The following RBFOX1 variants were observed in gnomAD, a reference collection of about 807,000 sequenced individuals.
RBFOX1 encodes the protein RNA binding fox-1 homolog 1.
In RBFOX1, 8 loss-of-function variants were observed where a neutral mutation model predicts 57.7. That is an observed-to-expected ratio of 0.14 (90% CI 0.08 to 0.25). The LOEUF (loss-of-function observed/expected upper bound fraction) is 0.25. Ranked by LOEUF, RBFOX1 falls within the 10% of genes least tolerant of loss-of-function variation. RBFOX1 has a pLI of 1.00. For synonymous variants in RBFOX1, 326 were observed against 222.4 expected, an observed-to-expected ratio of 1.47 and a Z score of -4.15; for missense variants, 611 against 548.5, an observed-to-expected ratio of 1.11 and a Z score of -1.14.
At chr16:6,313,051 G>A (rs2080568528) in intron 1 of RBFOX1, among the ~76,000 whole-genome samples, 1 of 152,178 alleles carries the variant, frequency 6.6e-6, no homozygotes, top group Non-Finnish European at 1.5e-5. Flanking sequence ...AAGCAGCAAT[G>A]CACTGGAGTT....
rs558136982 is a variant in RBFOX1, at chr16:7,208,675, A to G, written c.27+156577A>G. On this transcript the variant is annotated intron_variant, in intron 4 of 15. Coordinates refer to ENST00000550418, the MANE Select transcript of RBFOX1 (RefSeq NM_018723.4). Reference sequence around the variant, plus strand: ...ACATAGCAAGACCGTATCTCAACAAAAAATTAAAAAGATTAGCTGGGCATG... The same window carrying G: ...ACATAGCAAGACCGTATCTCAACAAGAAATTAAAAAGATTAGCTGGGCATG... 1.1e-3 allele frequency among the ~76,000 whole-genome samples: 173 copies of G among 152,120 alleles called. 2 individuals are homozygous for G. Among genetic ancestry groups the G allele is most frequent in the Admixed American group, 3.9e-4 (6 of 15,266 alleles).
intron 2 of RBFOX1, among the ~76,000 whole-genome samples, chr16:6,538,956 G>T (rs1258440867): frequency 1.3e-5 from 2 of 151,984 alleles, no homozygotes; most frequent in East Asian, 1.9e-4. Flanking sequence ...AGAGTTGTTG[G>T]CTGGTTTGTT....
chr16:6,061,935 G>T (rs2152460663), intron 1 of RBFOX1, among the ~76,000 whole-genome samples: 1 of 152,240 alleles, frequency 6.6e-6, no homozygotes, highest in East Asian at 1.9e-4. Flanking sequence ...GACTCCAGTT[G>T]GAAGCCTCAG....
intron 1 of RBFOX1, among the ~76,000 whole-genome samples, chr16:5,396,653 A>C (rs1031358723): frequency 1.6e-4 from 25 of 152,224 alleles, no homozygotes; most frequent in Admixed American, 3.3e-4. Context: ...AAGAAAAAGA[A>C]AAAGATGAAA....
chr16:5,362,783 G>T (rs892207468), intron 1 of RBFOX1, among the ~76,000 whole-genome samples: 1 of 152,036 alleles, frequency 6.6e-6, no homozygotes, highest in African/African-American at 2.4e-5. Context: ...CCTGTAAGTG[G>T]AATCATATAG....
intron 1 of RBFOX1, among the ~76,000 whole-genome samples, chr16:5,379,326 C>G (rs1437909585): frequency 6.6e-6 from 1 of 151,458 alleles, no homozygotes; most frequent in African/African-American, 2.5e-5. Flanking sequence ...TTTTATCTTT[C>G]CACATTCAGA....
At chr16:7,248,842 CTA>C (rs2094408314) in intron 4 of RBFOX1, among the ~76,000 whole-genome samples, 1 of 152,158 alleles carries the variant, frequency 6.6e-6, no homozygotes, top group Non-Finnish European at 1.5e-5. Flanking sequence ...TAGCTGTCAT[CTA>C]TTTGTAATCT....
chr16:7,384,864 A>G (rs778599405), intron 4 of RBFOX1, among the ~76,000 whole-genome samples: 16 of 152,236 alleles, frequency 1.1e-4, no homozygotes, highest in African/African-American at 2.4e-4. Flanking sequence ...GAGGCAAACA[A>G]TAAATAACTG....
chr16:6,073,758 G>C (rs569075752), intron 1 of RBFOX1, among the ~76,000 whole-genome samples: 1 of 151,994 alleles, frequency 6.6e-6, no homozygotes, highest in Non-Finnish European at 1.5e-5. Flanking sequence ...TAAATTGCTG[G>C]AATGTTTTGA....
intron 2 of RBFOX1, among the ~76,000 whole-genome samples, chr16:6,607,494 C>G (rs976368887): frequency 6.8e-6 from 1 of 148,112 alleles, no homozygotes. Context: ...CTCTTTCTTC[C>G]TCTCTCTCCC....
At chr16:6,676,836 C>T (rs2057799206) in intron 3 of RBFOX1, among the ~76,000 whole-genome samples, 2 of 151,896 alleles carry the variant, frequency 1.3e-5, no homozygotes, top group Admixed American at 1.3e-4. Context: ...CCACCACTCC[C>T]AGCTAATTTT....
chr16:6,120,537 A>G (rs1327028831), intron 1 of RBFOX1, among the ~76,000 whole-genome samples: 1 of 152,132 alleles, frequency 6.6e-6, no homozygotes, highest in African/African-American at 2.4e-5. Flanking sequence ...TCTCAGTCTC[A>G]GTTTCCACAT....
intron 4 of RBFOX1, among the ~76,000 whole-genome samples, chr16:7,389,148 C>A (rs1384675124): frequency 6.6e-6 from 1 of 151,748 alleles, no homozygotes; most frequent in Non-Finnish European, 1.5e-5. Context: ...TTTTTGGAGG[C>A]AGAGTCTCAC....
chr16:7,398,621 A>G (rs60194228), intron 4 of RBFOX1, among the ~76,000 whole-genome samples: 12,339 of 152,264 alleles, frequency 0.081, 544 homozygotes, highest in East Asian at 0.2. Context: ...CTAGGCAAGA[A>G]ATTATTCTCT....
At chr16:7,151,153 A>C (rs1342420758) in intron 4 of RBFOX1, among the ~76,000 whole-genome samples, 1 of 152,182 alleles carries the variant, frequency 6.6e-6, no homozygotes, top group Non-Finnish European at 1.5e-5. Flanking sequence ...TCCCAAAAGA[A>C]AGATGGTTGC....
In RBFOX1 at chr16:5,509,087, G is replaced by A. The variant is rs935322850; in HGVS notation, c.258+41833G>A. 7.9e-5 allele frequency among the ~76,000 whole-genome samples: 12 copies of A among 152,184 alleles called. No homozygotes were observed. The East Asian group carries it at 1.9e-3, about 24-fold the overall frequency. Reference sequence around the variant, plus strand: ...TCAGGTGCTGGAAATATAACGTGGAGTGAAAACTGGGTCTCAGAGGCACAG... The same window carrying A: ...TCAGGTGCTGGAAATATAACGTGGAATGAAAACTGGGTCTCAGAGGCACAG... On this transcript the variant is annotated intron_variant, in intron 2 of 2. Transcript: ENST00000585867.
At chr16:6,828,296 T>G (rs370582888) in intron 3 of RBFOX1, among the ~76,000 whole-genome samples, 23 of 151,970 alleles carry the variant, frequency 1.5e-4, no homozygotes, top group African/African-American at 5.6e-4. Flanking sequence ...GAGGCTGATG[T>G]GGGTGGGTCA....
rs533736046 is a variant in RBFOX1, at chr16:6,896,673, A to G, written c.-15-155384A>G. Among the ~76,000 whole-genome samples, 3 of 152,302 alleles carry G rather than the reference A, an allele frequency of 2.0e-5. No homozygotes were observed. In the South Asian group the frequency reaches 6.2e-4, roughly 32 times the overall value. On this transcript the variant is annotated intron_variant, in intron 3 of 15. Transcript: ENST00000550418. ...ACAGTGCTTGGGCATCATCAACGCC[A>G]TATAAGTGCTGCTGTGGTCATTGTG...
intron 2 of RBFOX1, among the ~76,000 whole-genome samples, chr16:6,441,006 A>G (rs1049469320): frequency 2.0e-5 from 3 of 152,056 alleles, no homozygotes; most frequent in African/African-American, 7.2e-5. Flanking sequence ...GGAAGCAAAC[A>G]TGATTGGAGT....
Sources: allele counts gnomAD v4.1 joint callset (sites outside exome capture counted in the v4.1 genomes callset), GRCh38; gene constraint gnomAD v4.1.1; transcripts MANE v1.5; gene names NCBI Gene and HGNC (gene_info 2026-07-23, HGNC 2026-07-21).